Variants in CGGBP1 observed in about 807,000 individuals in gnomAD.
CGGBP1 encodes the protein CGG triplet repeat-binding protein 1.
CGGBP1 carries 4 observed loss-of-function variants against 11.4 expected under a neutral mutation model. The observed-to-expected ratio is 0.35, with a 90% CI of 0.17 to 0.80. The LOEUF (loss-of-function observed/expected upper bound fraction) is 0.80. Among genes scored for constraint, CGGBP1 ranks in the 30% least tolerant of loss-of-function variants. The probability of loss-of-function intolerance (pLI) is 0.52; values close to 1 mark genes in which losing one functional copy is unlikely to be tolerated. For missense variants in CGGBP1, 135 were observed against 202.1 expected (o/e 0.67, Z 2.01); for synonymous variants, 76 against 74.1 (o/e 1.03, Z -0.13).
intron 2 of CGGBP1, among the ~76,000 whole-genome samples, chr3:88,082,586 A>G (rs1708136585): frequency 1.3e-5 from 2 of 152,238 alleles, no homozygotes; most frequent in African/African-American, 4.8e-5. Context: ...ACGGACGTGA[A>G]TAGCCAACTA....
chr3:88,062,964 A>C (rs1706972822), upstream of CGGBP1, among the ~76,000 whole-genome samples: 1 of 152,220 alleles, frequency 6.6e-6, no homozygotes. Context: ...CTTGAGAGAA[A>C]ATTTAGAAAT....
At chr3:88,148,825 G>C (rs1199663627) in intron 1 of CGGBP1, among the ~76,000 whole-genome samples, 1 of 152,042 alleles carries the variant, frequency 6.6e-6, no homozygotes, top group Non-Finnish European at 1.5e-5. Context: ...ATTTTTAGTG[G>C]AGACGGGGCT....
At chr3:88,135,152 G>A in intron 2 of CGGBP1, 2 of 1,488,606 alleles carry the variant, frequency 1.3e-6, no homozygotes, top group Middle Eastern at 1.7e-4. Context: ...TTTAAGAACA[G>A]CAACTAATGT....
At chr3:88,140,399 G>A (rs1381356980) in intron 2 of CGGBP1, 15 of 1,612,958 alleles carry the variant, frequency 9.3e-6, no homozygotes, top group Non-Finnish European at 1.3e-5. Context: ...CTATTAGTCT[G>A]CCAGTTTCTA....
intron 2 of CGGBP1, among the ~76,000 whole-genome samples, chr3:88,082,959 T>C (rs1386955143): frequency 6.6e-6 from 1 of 152,046 alleles, no homozygotes; most frequent in East Asian, 1.9e-4. Flanking sequence ...ACATGGCCAT[T>C]CTTTGGTGCA....
intron 2 of CGGBP1, chr3:88,126,071 A>G: frequency 7.3e-7 from 1 of 1,364,430 alleles, no homozygotes; most frequent in South Asian, 1.8e-5. Context: ...ATTGACAATG[A>G]TGATCAAGTT....
chr3:88,132,797 G>C (rs936964284), intron 2 of CGGBP1, among the ~76,000 whole-genome samples: 11 of 152,256 alleles, frequency 7.2e-5, no homozygotes, highest in Admixed American at 1.3e-4. Flanking sequence ...CAACCTTTAT[G>C]TGTAAGAAAA....
At chr3:88,111,873 G>A (rs1705109578) in intron 2 of CGGBP1, among the ~76,000 whole-genome samples, 3 of 151,802 alleles carry the variant, frequency 2.0e-5, no homozygotes, top group African/African-American at 7.2e-5. Context: ...AGGAGAAATG[G>A]CATTTAATCT....
At chr3:88,095,513 A>G (rs1704007279) in intron 2 of CGGBP1, 2 of 484,874 alleles carry the variant, frequency 4.1e-6, no homozygotes, top group Non-Finnish European at 8.2e-6. Flanking sequence ...GACAGTTCAC[A>G]TTAGCTTCTT....
intron 2 of CGGBP1, chr3:88,129,582 A>C (rs1706327504): frequency 1.1e-6 from 1 of 925,922 alleles, no homozygotes; most frequent in South Asian, 2.3e-5. Flanking sequence ...TTGTAGAAGA[A>C]AACTAGAAAT....
intron 1 of CGGBP1, chr3:88,141,613 A>T (rs1276559487): frequency 6.9e-7 from 1 of 1,442,580 alleles, no homozygotes; most frequent in Admixed American, 2.1e-5. Flanking sequence ...TGTCAATAAA[A>T]CTTGCATTAA....
intron 2 of CGGBP1, among the ~76,000 whole-genome samples, chr3:88,118,140 G>A (rs1020529855): frequency 1.3e-5 from 2 of 152,128 alleles, no homozygotes; most frequent in Non-Finnish European, 2.9e-5. Flanking sequence ...CTGCCCTGAC[G>A]TTAGAGAAAA....
In CGGBP1 at chr3:88,054,834, C is replaced by G. The variant is rs1343720009; in HGVS notation, c.*639G>C. The G allele has an allele frequency of 6.6e-6, 1 of 152,568 alleles. No homozygotes were observed. The highest frequency in any genetic ancestry group is 2.4e-5 in the African/African-American group (1 of 41,430). The allele number at this position is 152,568 out of a possible 1,614,324, so 9.5% of individuals were successfully genotyped here. ...GGCATTGACGTTGAAAGATTTTAGT[C>G]TTTTGGTCACTTGAAGCTGCTACAA... is the stretch of plus-strand genomic sequence containing the variant. On this transcript the variant is annotated 3_prime_UTR_variant, in exon 4 of 4. Transcript: ENST00000482016.
chr3:88,061,979 T>C (rs1235468349), upstream of CGGBP1, among the ~76,000 whole-genome samples: 2 of 152,122 alleles, frequency 1.3e-5, no homozygotes, highest in East Asian at 3.8e-4. Context: ...TCTTGGCAGT[T>C]AGTTGTGTGG....
chr3:88,093,919 C>T (rs112693834), intron 2 of CGGBP1, among the ~76,000 whole-genome samples: 3 of 152,124 alleles, frequency 2.0e-5, no homozygotes, highest in Admixed American at 6.6e-5. Flanking sequence ...TTGCCCATCT[C>T]CACAGCATCT....
At chr3:88,098,558 T>A (rs1241077944) in intron 2 of CGGBP1, among the ~76,000 whole-genome samples, 1 of 152,178 alleles carries the variant, frequency 6.6e-6, no homozygotes, top group Non-Finnish European at 1.5e-5. Flanking sequence ...ATACCCTTGA[T>A]GAACATTGAT....
At chr3:88,129,988 T>TA (rs1706350802) in intron 2 of CGGBP1, among the ~76,000 whole-genome samples, 1 of 152,178 alleles carries the variant, frequency 6.6e-6, no homozygotes, top group Non-Finnish European at 1.5e-5. Flanking sequence ...CTAGAGACTT[T>TA]AAAAAGAAAT....
chr3:88,130,018 G>A (rs934944170), intron 2 of CGGBP1, among the ~76,000 whole-genome samples: 14 of 152,152 alleles, frequency 9.2e-5, no homozygotes. Context: ...CCACTAAACT[G>A]ATAGTGTAAA....
chr3:88,059,447 G>A, upstream of CGGBP1: 1 of 1,521,494 alleles, frequency 6.6e-7, no homozygotes, highest in African/African-American at 1.4e-5. Context: ...GCTGGCAGCG[G>A]CAACTGCGGC....
Sources: gnomAD v4.1 joint callset for allele counts (sites outside exome capture counted in the v4.1 genomes callset) on GRCh38, gnomAD v4.1.1 for gene constraint, MANE v1.5 for transcripts, NCBI Gene and HGNC (gene_info 2026-07-23, HGNC 2026-07-21) for gene names.